Variants in MYO1D observed in about 807,000 individuals in gnomAD.
MYO1D encodes the protein unconventional myosin-Id.
Under a neutral mutation model 122.0 loss-of-function variants are expected in MYO1D, and 83 were observed. That is an observed-to-expected ratio of 0.68 (90% CI 0.57 to 0.82). The LOEUF (loss-of-function observed/expected upper bound fraction) is 0.82, where lower values mean the gene tolerates loss of function less well. Among genes scored for constraint, MYO1D ranks in the 40% least tolerant of loss-of-function variants. MYO1D has a pLI of 0.00. For missense variants in MYO1D, 1,157 were observed against 1,269.5 expected (o/e 0.91, Z 1.35); for synonymous variants, 464 against 446.9 (o/e 1.04, Z -0.48).
chr17:32,763,676 T>C (rs909102973), intron 8 of MYO1D, among the ~76,000 whole-genome samples: 14 of 152,180 alleles, frequency 9.2e-5, no homozygotes, highest in Non-Finnish European at 2.9e-5. Flanking sequence ...TCCCAGCACT[T>C]TGGGAGGCCA....
chr17:32,570,991 G>C (rs1424406776), intron 21 of MYO1D, among the ~76,000 whole-genome samples: 1 of 131,020 alleles, frequency 7.6e-6, no homozygotes, highest in Non-Finnish European at 1.6e-5. Context: ...GAAAGGGCTG[G>C]CTCCCATGAG....
chr17:32,615,172 A>G (rs1194203218), intron 20 of MYO1D, among the ~76,000 whole-genome samples: 1 of 152,190 alleles, frequency 6.6e-6, no homozygotes, highest in Non-Finnish European at 1.5e-5. Context: ...CTCCTATAAC[A>G]TAATCCCAGA....
chr17:32,654,525 C>G lies in MYO1D; in HGVS notation c.2442G>C (p.Arg814Ser). Reference protein sequence around the residue: ...VAAVEMLKGQRADLGLQRAWE... With the variant: ...VAAVEMLKGQSADLGLQRAWE... ...AGGCCCTCTGGAGCCCGAGGTCAGC[C>G]CTTTGACCCTTCAACATTTCCACGG... The change falls in exon 18 of 22, where the codon AGG becomes AGC. Residue 814 changes from arginine to serine, a missense_variant. Coordinates refer to ENST00000318217, the MANE Select transcript of MYO1D (RefSeq NM_015194.3). The G allele has an allele frequency of 6.2e-7, 1 of 1,614,092 alleles. No homozygotes were observed. Among genetic ancestry groups the G allele is most frequent in the South Asian group, 1.1e-5 (1 of 91,064 alleles).
chr17:32,813,084 A>T (rs2090585781), intron 1 of MYO1D, among the ~76,000 whole-genome samples: 1 of 152,244 alleles, frequency 6.6e-6, no homozygotes, highest in Admixed American at 6.5e-5. Context: ...GTCTTCACTG[A>T]TGATTTCCCA....
chr17:32,662,744 T>C (rs2088584207), intron 16 of MYO1D, among the ~76,000 whole-genome samples: 1 of 151,786 alleles, frequency 6.6e-6, no homozygotes, highest in Admixed American at 6.6e-5. Context: ...AGCTGTAAAA[T>C]GGGGATAATA....
chr17:32,646,428 A>C (rs2088295775), intron 19 of MYO1D, among the ~76,000 whole-genome samples: 1 of 152,144 alleles, frequency 6.6e-6, no homozygotes, highest in Admixed American at 6.6e-5. Flanking sequence ...CCTGGGCAAC[A>C]GAAGAAGACC....
intron 20 of MYO1D, among the ~76,000 whole-genome samples, chr17:32,607,283 T>C (rs761732562): frequency 2.2e-4 from 34 of 152,038 alleles, no homozygotes; most frequent in South Asian, 2.1e-4. Flanking sequence ...CCAGAACTAA[T>C]AAGCGCATCT....
intron 21 of MYO1D, among the ~76,000 whole-genome samples, chr17:32,563,156 T>C (rs969154170): frequency 2.6e-5 from 4 of 151,900 alleles, no homozygotes; most frequent in East Asian, 1.9e-4. Context: ...TATTTATATA[T>C]GTTGTTATTT....
Position 32,493,968 on chromosome 17 carries a change from T to G in MYO1D, c.*791A>C, listed in dbSNP as rs925607712. ...CTGACCCAAGTGTGGTGACAGCAGG[T>G]ATCTGATTAGCAACCCTGCAAACGG... On this transcript the variant is annotated 3_prime_UTR_variant, in exon 22 of 22. Transcript: ENST00000318217. 9 of 152,234 alleles carry G rather than the reference T, an allele frequency of 5.9e-5. No individual in the cohort carries two copies. Among genetic ancestry groups the G allele is most frequent in the African/African-American group, 2.2e-4 (9 of 41,436 alleles). The allele number at this position is 152,234 out of a possible 1,614,324, so 9.4% of individuals were successfully genotyped here.
intron 21 of MYO1D, among the ~76,000 whole-genome samples, chr17:32,519,919 C>A (rs1292232423): frequency 1.4e-5 from 2 of 141,616 alleles, no homozygotes; most frequent in African/African-American, 2.8e-5. Flanking sequence ...AAAACCAGGG[C>A]GATGTCTTAG....
chr17:32,778,423 A>G, intron 3 of MYO1D, 57 bp downstream of exon 3: 1 of 1,537,078 alleles, frequency 6.5e-7, no homozygotes, highest in Non-Finnish European at 9.0e-7. Context: ...GGTCTAGCCA[A>G]GTCCATAGAG....
intron 15 of MYO1D, among the ~76,000 whole-genome samples, chr17:32,717,451 A>T (rs537865303): frequency 2.9e-4 from 44 of 152,138 alleles, no homozygotes; most frequent in Admixed American, 1.3e-4. Flanking sequence ...TCTTTGCTCA[A>T]TGTTGCTTTT....
intron 21 of MYO1D, among the ~76,000 whole-genome samples, chr17:32,587,512 C>CA (rs576200395): frequency 0.017 from 1,764 of 104,098 alleles, 34 homozygotes; most frequent in African/African-American, 0.058. Context: ...AACTCCGTTT[C>CA]AAAAAAAAAA....
rs750441436 is a variant in MYO1D at position 32,849,019 on chromosome 17, C to T, written c.95+27759G>A. ...TAAACATGTAGTAAGACATGTAAAA[C>T]TGGAACACAAAATCCCTTAAAAATT... is the stretch of plus-strand genomic sequence containing the variant. On this transcript the variant is annotated intron_variant, in intron 1 of 21. Transcript: ENST00000318217. Among the ~76,000 whole-genome samples the T allele has an allele frequency of 3.5e-4, 53 of 152,126 alleles. 1 individual carries two copies. The highest frequency in any genetic ancestry group is 6.8e-4 in the Non-Finnish European group (46 of 68,030).
At chr17:32,712,293 A>C (rs2089388492) in intron 15 of MYO1D, 98 bp from the exon 16 acceptor site, 1 of 1,054,940 alleles carries the variant, frequency 9.5e-7, no homozygotes, top group African/African-American at 1.6e-5. Flanking sequence ...TAGAAAACCA[A>C]ATCTTAGCAA....
At chr17:32,515,374 G>A (rs921481393) in intron 21 of MYO1D, among the ~76,000 whole-genome samples, 1 of 151,958 alleles carries the variant, frequency 6.6e-6, no homozygotes, top group Non-Finnish European at 1.5e-5. Context: ...GCCTACTGCA[G>A]TCTTCACCTC....
chr17:32,811,247 T>C (rs544970329), intron 1 of MYO1D, among the ~76,000 whole-genome samples: 3 of 152,332 alleles, frequency 2.0e-5, no homozygotes, highest in African/African-American at 7.2e-5. Context: ...ACTCAATGCA[T>C]TTAAAACATA....
At position 32,532,642 on chromosome 17, in the gene MYO1D, C is replaced by T. The variant is rs562388729; in HGVS notation, c.2865-37727G>A. ...TCGGGAGGCTGAGGCAGGAGAATGG[C>T]GTGAACCTGGGAGGCGGAGCTTGGA... On this transcript the variant is annotated intron_variant, in intron 21 of 21. Transcript: ENST00000318217. Among the ~76,000 whole-genome samples, 106 of 145,006 alleles carry T rather than the reference C, an allele frequency of 7.3e-4. 1 individual carries two copies. Among genetic ancestry groups the T allele is most frequent in the Admixed American group, 1.8e-3 (25 of 13,974 alleles).
At chr17:32,512,520 T>C (rs1363276219) in intron 21 of MYO1D, among the ~76,000 whole-genome samples, 2 of 152,130 alleles carry the variant, frequency 1.3e-5, no homozygotes, top group South Asian at 4.1e-4. Flanking sequence ...GCCTGCTCCC[T>C]GCAAGGGTGT....
Sources: gnomAD v4.1 joint callset for allele counts (sites outside exome capture counted in the v4.1 genomes callset) on GRCh38, gnomAD v4.1.1 for gene constraint, MANE v1.5 for transcripts, NCBI Gene and HGNC (gene_info 2026-07-23, HGNC 2026-07-21) for gene names.